Variants in TTC9C observed in about 807,000 individuals in gnomAD.
The protein encoded by TTC9C is tetratricopeptide repeat domain 9C.
In TTC9C, 15 loss-of-function variants were observed where a neutral mutation model predicts 22.5. The ratio of observed to expected loss-of-function variants is 0.67; its 90% CI spans 0.45 to 1.03. The LOEUF (loss-of-function observed/expected upper bound fraction) is 1.03. Ranked by LOEUF, TTC9C falls within the 50% of genes least tolerant of loss-of-function variation. The pLI, the probability that TTC9C is intolerant of heterozygous loss-of-function variation, is 0.00. For missense variants in TTC9C, 244 were observed against 214.6 expected (o/e 1.14, Z -0.86); for synonymous variants, 92 against 86.8 (o/e 1.06, Z -0.33).
rs1332087803 is a variant in TTC9C, at chr11:62,728,629, C to A, written c.-220C>A. The A allele has an allele frequency of 1.5e-6, 1 of 675,456 alleles. No homozygotes were observed. The highest frequency in any genetic ancestry group is 1.8e-5 in the African/African-American group (1 of 56,746). The allele number at this position is 675,456 out of a possible 1,614,324, so 41.8% of individuals were successfully genotyped here. ...CATTATTCCCACATCCCTTTCCTTA[C>A]TACTTGCCTGCACTTCTTGAGAAAA... On this transcript the variant is annotated 5_prime_UTR_variant, in exon 1 of 3. Coordinates refer to ENST00000316461, the MANE Select transcript of TTC9C (RefSeq NM_173810.4).
At chr11:62,730,608 T>A (rs2083837198) in intron 1 of TTC9C, among the ~76,000 whole-genome samples, 1 of 152,058 alleles carries the variant, frequency 6.6e-6, no homozygotes, top group Non-Finnish European at 1.5e-5. Flanking sequence ...AATTTTGCTC[T>A]TGTTGCCCAG....
chr11:62,730,861 C>T (rs2083840432), intron 1 of TTC9C, among the ~76,000 whole-genome samples: 4 of 151,608 alleles, frequency 2.6e-5, no homozygotes, highest in Admixed American at 2.6e-4. Context: ...GCTTGAGCCA[C>T]CACGCCTGGC....
At chr11:62,729,717 A>G (rs919221023) in intron 1 of TTC9C, among the ~76,000 whole-genome samples, 6 of 151,580 alleles carry the variant, frequency 4.0e-5, no homozygotes, top group Non-Finnish European at 7.4e-5. Context: ...CTGGGATTAC[A>G]GGCATGCGCC....
intron 1 of TTC9C, among the ~76,000 whole-genome samples, chr11:62,734,501 T>C (rs1229015882): frequency 1.3e-5 from 2 of 152,022 alleles, no homozygotes; most frequent in South Asian, 2.1e-4. Flanking sequence ...GGCAGAAGAA[T>C]TGGTTGAACC....
chr11:62,728,543 C>T lies in TTC9C; in HGVS notation c.-306C>T, dbSNP rs756057341. The T allele has an allele frequency of 3.9e-6, 2 of 514,336 alleles. No homozygotes were observed. The highest frequency in any genetic ancestry group is 7.5e-6 in the Non-Finnish European group (2 of 265,646). 31.9% of individuals were successfully genotyped at this position (514,336 alleles called of 1,614,324 possible). A position where few individuals can be genotyped will look rare whatever the true frequency, so the allele number is the denominator to read the frequency against. ...TCCTGAGTAGGGCCTTGCTTGAGTT[C>T]TTCGGAAAGTCTCATCCACCCCCAC... On this transcript the variant is annotated 5_prime_UTR_variant, in exon 1 of 3. Transcript: ENST00000316461.
Position 62,728,960 on chromosome 11 carries a change from C to A in TTC9C, c.112C>A (p.Leu38Met). Residue 38 changes from leucine to methionine, a missense_variant, in exon 1 of 3, where the codon CTG (leucine) becomes ATG (methionine). Leu to Met is a conservative substitution (Grantham distance 15). Coordinates refer to ENST00000316461, the MANE Select transcript of TTC9C (RefSeq NM_173810.4). ...VSRYHRALLQ[L>M]RGLDPSLPSP... ...TAGGTACCATCGAGCTCTGCTTCAG[C>A]TGCGGGGTCTGGATCCGAGTCTGCC... is the stretch of plus-strand genomic sequence containing the variant. 1.2e-6 allele frequency: 2 copies of A among 1,614,162 alleles called. No individual in the cohort carries two copies. Among genetic ancestry groups the A allele is most frequent in the East Asian group, 2.2e-5 (1 of 44,884 alleles).
intron 2 of TTC9C, 37 bp from the exon 3 acceptor site, chr11:62,738,251 C>G: frequency 1.5e-6 from 2 of 1,357,942 alleles, no homozygotes; most frequent in Non-Finnish European, 2.1e-6. Flanking sequence ...TTAACTGACT[C>G]TAACTGTTTC....
chr11:62,735,413 C>T lies in TTC9C; in HGVS notation c.270C>T (p.Tyr90=), dbSNP rs117790598. ...TCCTTCAGATGGAGCCCGTGAACTA[C>T]GAACGAGTGAGAGAATATAGTCAGA... is the stretch of plus-strand genomic sequence containing the variant. ...ACLLQMEPVN[Y]ERVREYSQKV... The change falls in exon 2 of 3, where the codon TAC becomes TAT. Residue 90 remains tyrosine, a synonymous_variant. Coordinates refer to ENST00000316461, the MANE Select transcript of TTC9C (RefSeq NM_173810.4). 5,709 of 1,614,102 alleles carry T rather than the reference C, an allele frequency of 3.5e-3. 17 individuals carry two copies. Among genetic ancestry groups the T allele is most frequent in the Non-Finnish European group, 4.3e-3 (5,050 of 1,180,008 alleles).
At position 62,735,537 on chromosome 11, in the gene TTC9C, C is replaced by T. The variant is rs1211165925; in HGVS notation, c.394C>T (p.Leu132=). The T allele has an allele frequency of 6.2e-7, 1 of 1,613,700 alleles. No individual in the cohort carries two copies. Among genetic ancestry groups the T allele is most frequent in the South Asian group, 1.1e-5 (1 of 91,076 alleles). The change falls in exon 2 of 3, where the codon CTG becomes TTG. Residue 132 remains leucine, a synonymous_variant. Coordinates refer to ENST00000316461, the MANE Select transcript of TTC9C (RefSeq NM_173810.4). ...CTATGACCAGGCCCGCCACTACCTC[C>T]TGGCTGCCGTGAATAGGCAGCCTAA... ...QDYDQARHYL[L]AAVNRQPKDA...
At chr11:62,728,463 G>A (rs1432015913), upstream of TTC9C, 3 of 468,714 alleles carry the variant, frequency 6.4e-6, no homozygotes, top group Admixed American at 4.7e-5. Flanking sequence ...GGGGGGGGCG[G>A]GTCCAATAGA....
Position 62,738,586 on chromosome 11 carries a change from A to C in TTC9C, c.*204A>C. On this transcript the variant is annotated 3_prime_UTR_variant, in exon 3 of 3. Transcript: ENST00000316461. Reference sequence around the variant, plus strand: ...TCTGTTTATTTCTATACCTTTCAATACATGTTATTGTTGCAGATATTTGGC... The same window carrying C: ...TCTGTTTATTTCTATACCTTTCAATCCATGTTATTGTTGCAGATATTTGGC... The C allele has an allele frequency of 2.2e-6, 1 of 446,094 alleles. No homozygotes were observed. Among genetic ancestry groups the C allele is most frequent in the Non-Finnish European group, 4.0e-6 (1 of 247,592 alleles). The allele number at this position is 446,094 out of a possible 1,614,324, so 27.6% of individuals were successfully genotyped here. A position where few individuals can be genotyped will look rare whatever the true frequency, so the allele number is the denominator to read the frequency against.
At chr11:62,733,536 C>T (rs1416945948) in intron 1 of TTC9C, among the ~76,000 whole-genome samples, 1 of 152,100 alleles carries the variant, frequency 6.6e-6, no homozygotes, top group African/African-American at 2.4e-5. Context: ...ATGGGGGATT[C>T]AGGACATAGA....
intron 2 of TTC9C, among the ~76,000 whole-genome samples, chr11:62,736,501 T>A (rs2083914491): frequency 6.6e-6 from 1 of 151,866 alleles, no homozygotes; most frequent in Non-Finnish European, 1.5e-5. Context: ...GAGACCATCC[T>A]GGCTAACATG....
intron 1 of TTC9C, among the ~76,000 whole-genome samples, chr11:62,731,035 C>A (rs543629119): frequency 1.3e-5 from 2 of 151,954 alleles, no homozygotes; most frequent in Non-Finnish European, 2.9e-5. Context: ...ATCACAGGCA[C>A]CTGCCACCAT....
intron 1 of TTC9C, among the ~76,000 whole-genome samples, chr11:62,730,401 A>G (rs968154893): frequency 5.9e-5 from 9 of 151,806 alleles, no homozygotes; most frequent in Non-Finnish European, 8.8e-5. Flanking sequence ...TTGAGTGCCT[A>G]TAACATGTTG....
At chr11:62,729,541 G>T (rs1316692711) in intron 1 of TTC9C, among the ~76,000 whole-genome samples, 1 of 150,974 alleles carries the variant, frequency 6.6e-6, no homozygotes, top group Non-Finnish European at 1.5e-5. Flanking sequence ...CGGGATTACA[G>T]GCGCCCGCCA....
chr11:62,729,176 T>A, intron 1 of TTC9C, 90 bp downstream of exon 1: 1 of 1,170,208 alleles, frequency 8.5e-7, no homozygotes, highest in Non-Finnish European at 1.2e-6. Flanking sequence ...TGACTTTTTT[T>A]TTTTTTTACT....
At chr11:62,733,024 G>T in intron 1 of TTC9C, 2 of 461,034 alleles carry the variant, frequency 4.3e-6, no homozygotes, top group South Asian at 2.4e-5. Context: ...AAGGGATACA[G>T]ACATCAGCAC....
intron 1 of TTC9C, among the ~76,000 whole-genome samples, chr11:62,733,763 G>C (rs1170751934): frequency 6.6e-6 from 1 of 152,014 alleles, no homozygotes; most frequent in African/African-American, 2.4e-5. Context: ...GGAGGCAGAG[G>C]CAGGTGGATC....
Sources: allele counts gnomAD v4.1 joint callset (sites outside exome capture counted in the v4.1 genomes callset), GRCh38; gene constraint gnomAD v4.1.1; transcripts MANE v1.5; gene names NCBI Gene and HGNC (gene_info 2026-07-23, HGNC 2026-07-21).